Variants in TNNI3K observed in about 807,000 individuals in gnomAD.
The protein encoded by TNNI3K is TNNI3 interacting kinase, also known as serine/threonine-protein kinase TNNI3K.
A neutral mutation model predicts 114.5 loss-of-function variants in TNNI3K; 140 were observed. That is an observed-to-expected ratio of 1.22 (90% CI 1.07 to 1.41). The LOEUF (loss-of-function observed/expected upper bound fraction) is 1.41, where lower values mean the gene tolerates loss of function less well. TNNI3K is among the 40% of genes most tolerant of loss of function. The probability of loss-of-function intolerance (pLI) is 0.00; values close to 1 mark genes in which losing one functional copy is unlikely to be tolerated. For missense variants in TNNI3K, 1,125 were observed against 1,007.6 expected (o/e 1.12, Z -1.58); for synonymous variants, 347 against 347.5 (o/e 1.00, Z 0.02).
intron 9 of TNNI3K, chr1:74,345,949 A>G (rs1252518459): frequency 6.6e-6 from 1 of 152,232 alleles, no homozygotes; most frequent in Non-Finnish European, 1.5e-5. Context: ...AAATTTGTCT[A>G]TAAAAATCTT....
intron 20 of TNNI3K, among the ~76,000 whole-genome samples, chr1:74,460,717 A>T (rs1356486995): frequency 6.6e-6 from 1 of 152,250 alleles, no homozygotes; most frequent in East Asian, 1.9e-4. Context: ...TTTCAATTTC[A>T]TGACCCCCTC....
intron 9 of TNNI3K, among the ~76,000 whole-genome samples, chr1:74,346,332 C>A (rs1214107910): frequency 6.6e-6 from 1 of 152,062 alleles, no homozygotes; most frequent in South Asian, 2.1e-4. Flanking sequence ...AGACTGTGAC[C>A]TGGATTTGAC....
intron 6 of TNNI3K, among the ~76,000 whole-genome samples, chr1:74,335,250 A>G (rs1660404841): frequency 6.6e-6 from 1 of 152,162 alleles, no homozygotes; most frequent in African/African-American, 2.4e-5. Context: ...AATTTTTCTC[A>G]AGAACACAGA....
At chr1:74,240,580 T>C (rs888315305) in intron 2 of TNNI3K, 2 of 152,164 alleles carry the variant, frequency 1.3e-5, no homozygotes, top group Admixed American at 1.3e-4. Flanking sequence ...TTGAAAAAAC[T>C]ATGGAAGTGA....
In TNNI3K at chr1:74,380,902, G is replaced by A. The variant is rs143784753; in HGVS notation, c.1772+10510G>A. On this transcript the variant is annotated intron_variant, in intron 17 of 24. Transcript: ENST00000326637. Reference sequence around the variant, plus strand: ...TCTTAAGATTCTGGAGTTTAATTGAGTGCAAACTGACTAGGGACCCAGAAA... The same window carrying A: ...TCTTAAGATTCTGGAGTTTAATTGAATGCAAACTGACTAGGGACCCAGAAA... 4.1e-3 allele frequency among the ~76,000 whole-genome samples: 626 copies of A among 152,192 alleles called. 7 individuals carry two copies. Among genetic ancestry groups the A allele is most frequent in the African/African-American group, 0.014 (573 of 41,542 alleles).
intron 4 of TNNI3K, among the ~76,000 whole-genome samples, chr1:74,254,092 A>G (rs912411045): frequency 6.6e-6 from 1 of 152,206 alleles, no homozygotes; most frequent in African/African-American, 2.4e-5. Flanking sequence ...TACAAAGACA[A>G]TTGCAAGAAT....
chr1:74,491,359 A>G (rs1355894539), intron 22 of TNNI3K, among the ~76,000 whole-genome samples: 1 of 152,172 alleles, frequency 6.6e-6, no homozygotes, highest in African/African-American at 2.4e-5. Context: ...AGCTGGGACT[A>G]CAGGTGCGTG....
chr1:74,454,497 C>A lies in TNNI3K; in HGVS notation c.2012-8944C>A, dbSNP rs1393186955. On this transcript the variant is annotated intron_variant, in intron 20 of 24. Coordinates refer to ENST00000326637, the MANE Select transcript of TNNI3K (RefSeq NM_015978.3). The stretch of plus-strand genomic sequence containing the variant: ...TTGTTTTTCTGTGCCTGGCTTATTT[C>A]ACTTCATATAATGGCTTCCAGTTCC... Among the ~76,000 whole-genome samples, 12 of 152,236 alleles carry A rather than the reference C, an allele frequency of 7.9e-5. No individual in the cohort carries two copies. The South Asian group carries it at 2.3e-3, about 29-fold the overall frequency.
At chr1:74,375,427 C>G (rs1662857072) in intron 17 of TNNI3K, 1 of 375,972 alleles carries the variant, frequency 2.7e-6, no homozygotes. Context: ...ATAGGACTAA[C>G]AAATTAGCCA....
intron 21 of TNNI3K, among the ~76,000 whole-genome samples, chr1:74,484,611 G>A (rs909872490): frequency 6.6e-6 from 1 of 152,126 alleles, no homozygotes; most frequent in Non-Finnish European, 1.5e-5. Context: ...AGCTGGAGAA[G>A]GTGAAGGCAT....
chr1:74,338,084 A>T (rs1174143396), intron 7 of TNNI3K, among the ~76,000 whole-genome samples: 2 of 152,068 alleles, frequency 1.3e-5, no homozygotes, highest in Non-Finnish European at 2.9e-5. Context: ...ATATGAGAGA[A>T]TTGATAAATC....
rs988477167 is a variant in TNNI3K at position 74,259,284 on chromosome 1, C to G, written c.333+8515C>G. Among the ~76,000 whole-genome samples the G allele has an allele frequency of 4.6e-5, 7 of 152,316 alleles. No homozygotes were observed. The East Asian group carries it at 1.4e-3, about 29-fold the overall frequency. The stretch of plus-strand genomic sequence containing the variant: ...GGTCCATGTCCAAAGACTTGAGAAC[C>G]AGGGGAGCCTATGGTGTAAATCCTA... On this transcript the variant is annotated intron_variant, in intron 4 of 24. Coordinates refer to ENST00000326637, the MANE Select transcript of TNNI3K (RefSeq NM_015978.3).
At chr1:74,417,667 G>T (rs988821374) in intron 17 of TNNI3K, among the ~76,000 whole-genome samples, 4 of 146,394 alleles carry the variant, frequency 2.7e-5, no homozygotes, top group African/African-American at 5.1e-5. Context: ...TAGTTAAGGA[G>T]AAAAGTGTAC....
At chr1:74,374,519 T>A (rs1231738349) in intron 17 of TNNI3K, 1 of 151,930 alleles carries the variant, frequency 6.6e-6, no homozygotes, top group Non-Finnish European at 1.5e-5. Context: ...ACTGATGATA[T>A]TGAATGGGCA....
At chr1:74,421,168 A>G (rs1268233639) in intron 17 of TNNI3K, among the ~76,000 whole-genome samples, 1 of 152,140 alleles carries the variant, frequency 6.6e-6, no homozygotes, top group Non-Finnish European at 1.5e-5. Context: ...GCTCTTCCTG[A>G]TATTTGACAA....
intron 13 of TNNI3K, among the ~76,000 whole-genome samples, chr1:74,368,642 A>T (rs1662409212): frequency 6.6e-6 from 1 of 151,858 alleles, no homozygotes; most frequent in African/African-American, 2.4e-5. Context: ...CAGGGTTGCC[A>T]TGTCATGCAG....
chr1:74,388,028 C>T (rs888741993), intron 17 of TNNI3K, among the ~76,000 whole-genome samples: 2 of 152,072 alleles, frequency 1.3e-5, no homozygotes, highest in South Asian at 2.1e-4. Flanking sequence ...GCCTATAATC[C>T]CAGCACTTTG....
intron 17 of TNNI3K, chr1:74,378,594 T>TTATATATATATATA (rs58113455): frequency 5.1e-5 from 4 of 77,912 alleles, no homozygotes; most frequent in East Asian, 5.2e-4. Flanking sequence ...CAGTTTAATT[T>TTATATATATATATA]TATATATATA....
At chr1:74,421,954 TTA>T (rs1665417375) in intron 17 of TNNI3K, among the ~76,000 whole-genome samples, 1 of 1,540 alleles carries the variant, frequency 6.5e-4, no homozygotes, top group Non-Finnish European at 4.7e-3. Flanking sequence ...ATTGCTTTTA[TTA>T]TTATTATTAT....
Sources: gnomAD v4.1 joint callset for allele counts (sites outside exome capture counted in the v4.1 genomes callset) on GRCh38, gnomAD v4.1.1 for gene constraint, MANE v1.5 for transcripts, NCBI Gene and HGNC (gene_info 2026-07-23, HGNC 2026-07-21) for gene names.